Variants in UBE2D2 observed in about 807,000 individuals in gnomAD.
UBE2D2 encodes the protein ubiquitin conjugating enzyme E2 D2.
A neutral mutation model predicts 24.2 loss-of-function variants in UBE2D2; 2 were observed. That is an observed-to-expected ratio of 0.08 (90% CI 0.03 to 0.26). UBE2D2 has a LOEUF of 0.26. Ranked by LOEUF, UBE2D2 falls within the 10% of genes least tolerant of loss-of-function variation. UBE2D2 has a pLI of 1.00. For synonymous variants in UBE2D2, 58 were observed against 56.5 expected, an observed-to-expected ratio of 1.03 and a Z score of -0.12; for missense variants, 44 against 177.6, an observed-to-expected ratio of 0.25 and a Z score of 4.28.
At chr5:139,615,281 G>A (rs1042901303) in intron 5 of UBE2D2, among the ~76,000 whole-genome samples, 5 of 152,130 alleles carry the variant, frequency 3.3e-5, no homozygotes, top group African/African-American at 1.2e-4. Context: ...TCAGCAGATC[G>A]AGACCATCCT....
At chr5:139,557,155 C>T (rs947077886), upstream of UBE2D2, among the ~76,000 whole-genome samples, 3 of 140,620 alleles carry the variant, frequency 2.1e-5, no homozygotes, top group African/African-American at 8.0e-5. Context: ...TTTTTTGAGA[C>T]TGAGTTTTGC....
chr5:139,593,184 CAG>C (rs917721163), intron 1 of UBE2D2, among the ~76,000 whole-genome samples: 12 of 151,328 alleles, frequency 7.9e-5, no homozygotes, highest in African/African-American at 2.9e-4. Context: ...TTAGTAGAGA[CAG>C]GGTTTCACCA....
At chr5:139,576,803 C>A (rs1753480686) in intron 1 of UBE2D2, among the ~76,000 whole-genome samples, 1 of 152,024 alleles carries the variant, frequency 6.6e-6, no homozygotes, top group Non-Finnish European at 1.5e-5. Flanking sequence ...TTAGATGTAC[C>A]TGTTCACATT....
chr5:139,572,630 ATAAAT>A (rs1053467697), intron 1 of UBE2D2, among the ~76,000 whole-genome samples: 1 of 151,432 alleles, frequency 6.6e-6, no homozygotes, highest in African/African-American at 2.4e-5. Context: ...ATTACCTCAG[ATAAAT>A]TAATTATTAT....
At chr5:139,595,186 A>T (rs1753934423) in intron 1 of UBE2D2, among the ~76,000 whole-genome samples, 1 of 152,192 alleles carries the variant, frequency 6.6e-6, no homozygotes, top group Non-Finnish European at 1.5e-5. Flanking sequence ...GTTTAAAGCC[A>T]ACTGTTAAAA....
intron 1 of UBE2D2, among the ~76,000 whole-genome samples, chr5:139,580,525 G>A (rs550597902): frequency 2.0e-5 from 3 of 152,218 alleles, no homozygotes; most frequent in African/African-American, 4.8e-5. Context: ...GCAGTGGCGC[G>A]ATCTCGGCTT....
chr5:139,607,101 GC>G (rs1754216707), intron 2 of UBE2D2, among the ~76,000 whole-genome samples: 1 of 152,220 alleles, frequency 6.6e-6, no homozygotes, highest in Non-Finnish European at 1.5e-5. Flanking sequence ...ACCACGCCTA[GC>G]CTACTTGAGC....
intron 1 of UBE2D2, among the ~76,000 whole-genome samples, chr5:139,531,397 A>G (rs612468): frequency 4.6e-5 from 7 of 152,268 alleles, no homozygotes; most frequent in Admixed American, 1.3e-4. Flanking sequence ...AATCAATCAC[A>G]ACCCTTTCAT....
chr5:139,606,883 C>T (rs553529610), intron 2 of UBE2D2, among the ~76,000 whole-genome samples: 20 of 152,232 alleles, frequency 1.3e-4, no homozygotes, highest in Non-Finnish European at 2.6e-4. Context: ...TGGCTCACTG[C>T]AACCTCTGCC....
At chr5:139,608,471 C>T (rs1332607284) in intron 2 of UBE2D2, among the ~76,000 whole-genome samples, 1 of 151,762 alleles carries the variant, frequency 6.6e-6, no homozygotes, top group Non-Finnish European at 1.5e-5. Flanking sequence ...GGTATTCTGG[C>T]TGGGCACTGC....
At chr5:139,623,685 CTT>C (rs932615006) in intron 6 of UBE2D2, 3 of 366,500 alleles carry the variant, frequency 8.2e-6, no homozygotes, top group Admixed American at 4.4e-5. Context: ...TCTACAAAAA[CTT>C]TTTTTTTTGT....
intron 1 of UBE2D2, among the ~76,000 whole-genome samples, chr5:139,582,656 T>A (rs910787986): frequency 3.3e-5 from 5 of 150,638 alleles, no homozygotes; most frequent in African/African-American, 1.2e-4. Flanking sequence ...TCGAAGCGAT[T>A]TAGATTCGAA....
chr5:139,584,553 CAA>C (rs1330826077), intron 1 of UBE2D2, among the ~76,000 whole-genome samples: 1 of 108,438 alleles, frequency 9.2e-6, no homozygotes, highest in African/African-American at 4.4e-5. Flanking sequence ...TTTTTTGAGA[CAA>C]GAGTTTCGCT....
chr5:139,586,501 T>G (rs1288028371), intron 1 of UBE2D2, among the ~76,000 whole-genome samples: 1 of 152,170 alleles, frequency 6.6e-6, no homozygotes, highest in East Asian at 1.9e-4. Context: ...CACAGTGGCT[T>G]ACGCCTGTAA....
intron 1 of UBE2D2, 41 bp from the exon 2 acceptor site, chr5:139,600,331 A>C: frequency 6.3e-7 from 1 of 1,596,128 alleles, no homozygotes; most frequent in Non-Finnish European, 8.6e-7. Context: ...TAAAAGGTAC[A>C]TTTATGTTGA....
intron 1 of UBE2D2, among the ~76,000 whole-genome samples, chr5:139,532,243 C>T (rs911581950): frequency 6.0e-5 from 9 of 150,532 alleles, no homozygotes; most frequent in Non-Finnish European, 8.9e-5. Flanking sequence ...GGCACGATCT[C>T]GGCTCACTGC....
At chr5:139,554,572 C>T (rs566168712) in intron 1 of UBE2D2, among the ~76,000 whole-genome samples, 2 of 152,258 alleles carry the variant, frequency 1.3e-5, no homozygotes, top group South Asian at 4.1e-4. Flanking sequence ...TTCCATCCTC[C>T]TGTGGATGGA....
intron 1 of UBE2D2, among the ~76,000 whole-genome samples, chr5:139,566,862 C>T (rs900901885): frequency 5.3e-5 from 8 of 150,978 alleles, no homozygotes; most frequent in Middle Eastern, 3.4e-3. Context: ...GCAATATCTT[C>T]CATTCAAAAA....
chr5:139,615,511 G>C (rs533636401), intron 5 of UBE2D2, among the ~76,000 whole-genome samples: 1 of 152,092 alleles, frequency 6.6e-6, no homozygotes, highest in Non-Finnish European at 1.5e-5. Flanking sequence ...ATGGACACTG[G>C]TATGAATGTT....
Sources: gnomAD v4.1 joint callset for allele counts (sites outside exome capture counted in the v4.1 genomes callset) on GRCh38, gnomAD v4.1.1 for gene constraint, MANE v1.5 for transcripts, NCBI Gene and HGNC (gene_info 2026-07-23, HGNC 2026-07-21) for gene names.